NSD2: variants seen among roughly 807,000 people sequenced by gnomAD.
The protein encoded by NSD2 is histone-lysine N-methyltransferase NSD2.
NSD2 carries 12 observed loss-of-function variants against 139.0 expected under a neutral mutation model. The ratio of observed to expected loss-of-function variants is 0.09; its 90% CI spans 0.06 to 0.14. The LOEUF (loss-of-function observed/expected upper bound fraction) is 0.14. Among genes scored for constraint, NSD2 ranks in the 10% least tolerant of loss-of-function variants. The pLI is 1.00. For synonymous variants in NSD2, 669 were observed against 648.7 expected (o/e 1.03, Z -0.48); for missense variants, 1,155 against 1,745.0 (o/e 0.66, Z 6.02).
chr4:1,961,197 G>T, intron 18 of NSD2, 46 bp downstream of exon 18: 2 of 1,482,630 alleles, frequency 1.3e-6, no homozygotes, highest in Non-Finnish European at 1.9e-6. Flanking sequence ...GCTGGACCTG[G>T]AGCCCTGATG....
intron 9 of NSD2, chr4:1,941,946 CTGATA>C (rs1452433283): frequency 1.1e-5 from 12 of 1,076,968 alleles, no homozygotes; most frequent in Non-Finnish European, 1.4e-5. Flanking sequence ...GGGCCCGATT[CTGATA>C]TGAGTTAGGT....
At chr4:1,964,359 C>T (rs1057192893) in intron 18 of NSD2, among the ~76,000 whole-genome samples, 1 of 152,062 alleles carries the variant, frequency 6.6e-6, no homozygotes, top group Admixed American at 6.5e-5. Context: ...CTGATGTAAC[C>T]ATTTTGGAAC....
At chr4:1,965,235 C>G (rs1051832162) in intron 18 of NSD2, among the ~76,000 whole-genome samples, 3 of 151,836 alleles carry the variant, frequency 2.0e-5, no homozygotes, top group African/African-American at 7.3e-5. Context: ...TGCAGAAAGT[C>G]AAGAAAATCA....
chr4:1,952,037 G>A (rs1358255699), intron 10 of NSD2, 71 bp from the exon 11 acceptor site: 9 of 1,554,802 alleles, frequency 5.8e-6, no homozygotes, highest in East Asian at 2.3e-5. Flanking sequence ...AGAAGCAGAC[G>A]GCTTCCCTTG....
chr4:1,978,703 C>T lies in NSD2; in HGVS notation c.3892C>T (p.Leu1298Phe), dbSNP rs1035199365. 6 of 1,614,140 alleles carry T rather than the reference C, an allele frequency of 3.7e-6. No homozygotes were observed. In the Admixed American group the frequency reaches 5.0e-5, roughly 13 times the overall value. The change falls in exon 22 of 22, where the codon CTC becomes TTC. Residue 1298 changes from leucine to phenylalanine, a missense_variant. Physicochemically the swap from Leu to Phe is conservative, Grantham distance 22. This residue lies in a region of NSD2 where 132 missense variants were observed against 94.3 expected (regional missense o/e 1.40). Coordinates refer to ENST00000508803, the MANE Select transcript of NSD2 (RefSeq NM_001042424.3). The part of the protein sequence containing the change: ...CGKPSTSFCH[L>F]CPNSFCKEHQ... ...CAAACCTTCGACTTCATTTTGCCACCTCTGCCCCAATTCGTTCTGTAAGGA... is the reference window on the plus strand; with the variant it reads ...CAAACCTTCGACTTCATTTTGCCACTTCTGCCCCAATTCGTTCTGTAAGGA...
chr4:1,916,919 C>A lies in NSD2; in HGVS notation c.809C>A (p.Ala270Asp). The stretch of plus-strand genomic sequence containing the variant: ...TATCACGTACAGTTCTTTGGTGACG[C>A]CCCAGAAAGAGCTTGGATATTTGAG... ...RQYHVQFFGD[A>D]PERAWIFEKS... Residue 270 changes from alanine (A) to aspartate (D), a missense_variant, in exon 4 of 22, where the codon GCC becomes GAC. Physicochemically the swap from Ala to Asp is moderately radical, Grantham distance 126. This residue lies in a region of NSD2 where 34 missense variants were observed against 75.2 expected (regional missense o/e 0.45). Transcript: ENST00000508803. The A allele has an allele frequency of 6.2e-7, 1 of 1,614,046 alleles. No homozygotes were observed. The highest frequency in any genetic ancestry group is 8.5e-7 in the Non-Finnish European group (1 of 1,180,006).
intron 1 of NSD2, among the ~76,000 whole-genome samples, chr4:1,876,681 CCT>C (rs1479371162): frequency 6.6e-6 from 1 of 151,696 alleles, no homozygotes; most frequent in East Asian, 2.0e-4. Flanking sequence ...ATAGCACAAC[CCT>C]CTCTCAAAAA....
intron 3 of NSD2, among the ~76,000 whole-genome samples, chr4:1,912,461 T>C (rs571266971): frequency 6.6e-6 from 1 of 152,350 alleles, no homozygotes; most frequent in East Asian, 1.9e-4. Flanking sequence ...GTAAAACCTT[T>C]TGTTTCCCTT....
In NSD2 at chr4:1,980,296, T is replaced by TG. The variant is rs1282396467; in HGVS notation, c.*1390dup. Reference sequence around the variant, plus strand: ...TCTTTTTTTGAGGGATCCTTGACCCTGGGAAGTCTGGAGCACCCTGAGAAG... The same window carrying TG: ...TCTTTTTTTGAGGGATCCTTGACCCTGGGGAAGTCTGGAGCACCCTGAGAAG... On this transcript the variant is annotated 3_prime_UTR_variant, in exon 22 of 22. Transcript: ENST00000508803. 1 of 233,134 alleles carries TG rather than the reference T, an allele frequency of 4.3e-6. No homozygotes were observed. The highest frequency in any genetic ancestry group is 2.2e-5 in the African/African-American group (1 of 45,342). The allele number at this position is 233,134 out of a possible 1,614,324, so 14.4% of individuals were successfully genotyped here.
chr4:1,919,240 T>C (rs2108808167), intron 5 of NSD2: 1 of 151,578 alleles, frequency 6.6e-6, no homozygotes, highest in Admixed American at 6.6e-5. Context: ...TTGAAGCGTG[T>C]GGTCATGTCC....
chr4:1,953,611 G>A, intron 12 of NSD2, 87 bp downstream of exon 12: 1 of 1,465,518 alleles, frequency 6.8e-7, no homozygotes, highest in Non-Finnish European at 9.1e-7. Context: ...GGGCTGTTGG[G>A]ATTGTCACCA....
intron 5 of NSD2, among the ~76,000 whole-genome samples, chr4:1,921,687 A>G (rs1720145447): frequency 6.8e-6 from 1 of 147,860 alleles, no homozygotes; most frequent in Non-Finnish European, 1.5e-5. Context: ...GAGGTTGAGA[A>G]AGGAGAATCG....
intron 1 of NSD2, among the ~76,000 whole-genome samples, chr4:1,884,538 CAT>C (rs766946616): frequency 1.3e-5 from 2 of 152,128 alleles, no homozygotes; most frequent in South Asian, 2.1e-4. Flanking sequence ...GGATTACAGA[CAT>C]GTGCCACCAC....
chr4:1,978,558 G>T lies in NSD2; in HGVS notation c.3827-80G>T, dbSNP rs924483873. On this transcript the variant is annotated intron_variant, in intron 21 of 21. Coordinates refer to ENST00000508803, the MANE Select transcript of NSD2 (RefSeq NM_001042424.3). The stretch of plus-strand genomic sequence containing the variant: ...TTTGTGTTCATTTGACCTGACAGTT[G>T]TAAGTCATCTTCAACCACGATAATG... The T allele has an allele frequency of 2.2e-5, 33 of 1,533,268 alleles. No homozygotes were observed. The African/African-American group carries it at 3.1e-4, about 15-fold the overall frequency. The allele number at this position is 1,533,268 out of a possible 1,614,324, so 95.0% of individuals were successfully genotyped here.
chr4:1,943,132 G>C, intron 9 of NSD2: 1 of 1,044,460 alleles, frequency 9.6e-7, no homozygotes, highest in Non-Finnish European at 1.2e-6. Context: ...TCTTAATGTC[G>C]GGGAGCAGCC....
chr4:1,975,420 C>T lies in NSD2; in HGVS notation c.3621+20C>T, dbSNP rs369690906. On this transcript the variant is annotated intron_variant, in intron 20 of 21. Transcript: ENST00000508803. ...CCAAAGGTAAGGCTGTGGCGCCCTC[C>T]TTCCCCCCAGGCTCTGTGTTGGCAT... 4.4e-5 allele frequency: 71 copies of T among 1,609,046 alleles called. No homozygotes were observed. In the African/African-American group the frequency reaches 6.5e-4, roughly 15 times the overall value.
At chr4:1,929,403 C>T (rs1475878461) in intron 5 of NSD2, among the ~76,000 whole-genome samples, 1 of 152,100 alleles carries the variant, frequency 6.6e-6, no homozygotes, top group Non-Finnish European at 1.5e-5. Flanking sequence ...GTTACTGCCC[C>T]CGTTTCACAG....
At position 1,956,864 on chromosome 4, in the gene NSD2, G is replaced by A. The variant is rs1419852882; in HGVS notation, c.2881+676G>A. Reference sequence around the variant, plus strand: ...CCTGTGTGACTGCAGGCGGGGACCCGCGTATTTAAAGCTTGGTTAGCTCCA... The same window carrying A: ...CCTGTGTGACTGCAGGCGGGGACCCACGTATTTAAAGCTTGGTTAGCTCCA... On this transcript the variant is annotated intron_variant, in intron 15 of 21. Coordinates refer to ENST00000508803, the MANE Select transcript of NSD2 (RefSeq NM_001042424.3). The surrounding 1 kb of genome is among the most constrained non-coding windows in gnomAD (Gnocchi z 5.3). Among the ~76,000 whole-genome samples the A allele has an allele frequency of 6.6e-6, 1 of 152,238 alleles. No individual in the cohort carries two copies. The highest frequency in any genetic ancestry group is 6.5e-5 in the Admixed American group (1 of 15,290).
chr4:1,926,347 G>T (rs976044142), intron 5 of NSD2, among the ~76,000 whole-genome samples: 1 of 151,126 alleles, frequency 6.6e-6, no homozygotes, highest in African/African-American at 2.4e-5. Flanking sequence ...TAGAGCCAGG[G>T]TTTCACCATG....
Sources: gnomAD v4.1 joint callset for allele counts (sites outside exome capture counted in the v4.1 genomes callset) on GRCh38, gnomAD v4.1.1 for gene constraint, gnomAD v4.1.1 regional missense constraint, Gnocchi (gnomAD v3.1) non-coding constraint, MANE v1.5 for transcripts, NCBI Gene and HGNC (gene_info 2026-07-23, HGNC 2026-07-21) for gene names.